CSMD2: variants seen among roughly 807,000 people sequenced by gnomAD.
The protein encoded by CSMD2 is CUB and sushi domain-containing protein 2.
CSMD2 carries 130 observed loss-of-function variants against 398.5 expected under a neutral mutation model. That is an observed-to-expected ratio of 0.33 (90% CI 0.28 to 0.38). The LOEUF (loss-of-function observed/expected upper bound fraction) is 0.38, where lower values mean the gene tolerates loss of function less well. Ranked by LOEUF, CSMD2 falls within the 10% of genes least tolerant of loss-of-function variation. CSMD2 has a pLI of 1.00. For synonymous variants in CSMD2, 1,828 were observed against 1,908.5 expected (o/e 0.96, Z 1.10); for missense variants, 3,829 against 4,764.9 (o/e 0.80, Z 5.78).
At position 33,602,275 on chromosome 1, in the gene CSMD2, T is replaced by C. The variant is rs189882225; in HGVS notation, c.6710+94A>G. Reference sequence around the variant, plus strand: ...CCTTTAAAAACCATTCACCTCTTGGTTTTTCTAAACCAATAGGTAACTGAC... The same window carrying C: ...CCTTTAAAAACCATTCACCTCTTGGCTTTTCTAAACCAATAGGTAACTGAC... On this transcript the variant is annotated intron_variant, in intron 43 of 70. Coordinates refer to ENST00000373381, the MANE Select transcript of CSMD2 (RefSeq NM_001281956.2). The C allele has an allele frequency of 1.1e-4, 162 of 1,409,964 alleles. No individual in the cohort carries two copies. In the Middle Eastern group the frequency reaches 2.8e-3, roughly 25 times the overall value. The allele number at this position is 1,409,964 out of a possible 1,614,324, so 87.3% of individuals were successfully genotyped here.
chr1:33,814,742 G>A (rs12047779), intron 9 of CSMD2, among the ~76,000 whole-genome samples: 16,300 of 152,166 alleles, frequency 0.11, 1,161 homozygotes, highest in East Asian at 0.27. Flanking sequence ...TATCCTGGGA[G>A]CCAGGAAAGT....
intron 13 of CSMD2, among the ~76,000 whole-genome samples, chr1:33,768,188 T>C (rs1650769951): frequency 1.3e-5 from 2 of 152,204 alleles, no homozygotes; most frequent in African/African-American, 4.8e-5. Flanking sequence ...ATAGCCTCAC[T>C]TAAAACACAA....
chr1:33,888,473 T>C (rs1641747806), intron 5 of CSMD2, among the ~76,000 whole-genome samples: 1 of 152,184 alleles, frequency 6.6e-6, no homozygotes, highest in South Asian at 2.1e-4. Context: ...TGAATAGAGC[T>C]GAACTCAGTT....
chr1:34,019,553 G>A (rs1414317538), intron 3 of CSMD2, among the ~76,000 whole-genome samples: 1 of 152,162 alleles, frequency 6.6e-6, no homozygotes, highest in Non-Finnish European at 1.5e-5. Flanking sequence ...GTCTCCCCTT[G>A]TCCTGGCACC....
At chr1:33,973,108 C>A (rs501094) in intron 3 of CSMD2, among the ~76,000 whole-genome samples, 6,063 of 152,258 alleles carry the variant, frequency 0.04, 318 homozygotes, top group African/African-American at 0.12. Context: ...TTTCTTTAAC[C>A]CTCTCCTCAA....
At chr1:33,954,690 G>C (rs1645110230) in intron 3 of CSMD2, among the ~76,000 whole-genome samples, 1 of 152,198 alleles carries the variant, frequency 6.6e-6, no homozygotes, top group Non-Finnish European at 1.5e-5. Flanking sequence ...ATCATGGTAA[G>C]TGAAATGAGC....
chr1:33,716,690 T>G (rs1393671167), intron 19 of CSMD2, among the ~76,000 whole-genome samples, 189 bp from the exon 20 acceptor site: 1 of 152,218 alleles, frequency 6.6e-6, no homozygotes, highest in African/African-American at 2.4e-5. Context: ...GCCCAGAGAT[T>G]CAGTCAGGGA....
intron 12 of CSMD2, among the ~76,000 whole-genome samples, chr1:33,778,108 A>T (rs1399556028): frequency 6.6e-6 from 1 of 152,186 alleles, no homozygotes; most frequent in Non-Finnish European, 1.5e-5. Context: ...TTTGGTTTAC[A>T]ATGTTACCTC....
chr1:33,753,923 T>A (rs1220364027), intron 13 of CSMD2, among the ~76,000 whole-genome samples: 2 of 152,246 alleles, frequency 1.3e-5, no homozygotes, highest in African/African-American at 4.8e-5. Context: ...TTGCCAAATG[T>A]CTGCACACCA....
chr1:34,089,152 C>T lies in CSMD2; in HGVS notation c.229G>A (p.Val77Ile), dbSNP rs371136084. 1.7e-5 allele frequency: 28 copies of T among 1,614,086 alleles called. No homozygotes were observed. The highest frequency in any genetic ancestry group is 2.4e-5 in the Non-Finnish European group (28 of 1,180,046). ...TFQLHGPNGT[V>I]ESPGFPYGYP... ...CCATATGGGAACCCTGGGCTCTCAA[C>T]TGTCCCATTGGGACCGTGCAGTTGG... Residue 77 changes from valine (V) to isoleucine (I), a missense_variant, in exon 2 of 71, where the codon GTT (valine) becomes ATT (isoleucine). Transcript: ENST00000373381.
intron 41 of CSMD2, among the ~76,000 whole-genome samples, chr1:33,608,024 A>G (rs979103656): frequency 6.6e-6 from 1 of 152,196 alleles, no homozygotes; most frequent in African/African-American, 2.4e-5. Context: ...GGCCCATCCC[A>G]GGGAGGGACA....
rs575976489 is a variant in CSMD2 at position 33,846,908 on chromosome 1, G to A, written c.1009C>T (p.Arg337Cys). 9.3e-6 allele frequency: 15 copies of A among 1,608,304 alleles called. No homozygotes were observed. The highest frequency in any genetic ancestry group is 6.8e-5 in the East Asian group (3 of 44,330). ...HFTSDGNHRQ[R>C]GFSAQYQVKK... Reference sequence around the variant, plus strand: ...CCTTGGTATTGGGCACTGAATCCGCGCTGCCGGTGGTTGCCATCCGATGTG... The same window carrying A: ...CCTTGGTATTGGGCACTGAATCCGCACTGCCGGTGGTTGCCATCCGATGTG... The change falls in exon 6 of 71, where the codon CGC (arginine) becomes TGC (cysteine). Residue 337 changes from arginine to cysteine, a missense_variant. By Grantham distance (180) the Arg-to-Cys change is radical (BLOSUM62 -3). Coordinates refer to ENST00000373381, the MANE Select transcript of CSMD2 (RefSeq NM_001281956.2).
intron 2 of CSMD2, among the ~76,000 whole-genome samples, chr1:34,041,238 C>T (rs1363072097): frequency 6.6e-6 from 1 of 152,122 alleles, no homozygotes; most frequent in East Asian, 1.9e-4. Context: ...TGAACTCCCC[C>T]ACCAGAATTT....
At chr1:34,032,855 T>A (rs1185985718) in intron 2 of CSMD2, 149 bp from the exon 3 acceptor site, 2 of 600,052 alleles carry the variant, frequency 3.3e-6, no homozygotes, top group Non-Finnish European at 5.7e-6. Context: ...GCAGAGGTGA[T>A]GAAAACCAGC....
At chr1:33,879,795 G>A (rs746602976) in intron 5 of CSMD2, among the ~76,000 whole-genome samples, 2 of 152,118 alleles carry the variant, frequency 1.3e-5, no homozygotes, top group Admixed American at 6.5e-5. Context: ...CTTCTTGTCC[G>A]TGTAAAGGGT....
intron 53 of CSMD2, among the ~76,000 whole-genome samples, chr1:33,562,244 C>T (rs1658634469): frequency 6.6e-6 from 1 of 152,190 alleles, no homozygotes; most frequent in Admixed American, 6.5e-5. Context: ...CTGCTTCCCA[C>T]ATATTCCCAA....
chr1:33,637,915 T>A (rs1642899718), intron 29 of CSMD2, among the ~76,000 whole-genome samples: 1 of 152,162 alleles, frequency 6.6e-6, no homozygotes, highest in Non-Finnish European at 1.5e-5. Flanking sequence ...CCTTGTCACC[T>A]GGGTACCTTT....
intron 11 of CSMD2, among the ~76,000 whole-genome samples, chr1:33,789,799 A>G (rs1032495892): frequency 1.3e-5 from 2 of 152,096 alleles, no homozygotes; most frequent in Admixed American, 1.3e-4. Context: ...CTGAGTAAGG[A>G]TTGTGGCCAG....
At chr1:33,718,203 C>T (rs1553182863) in intron 19 of CSMD2, among the ~76,000 whole-genome samples, 1 of 152,142 alleles carries the variant, frequency 6.6e-6, no homozygotes, top group Non-Finnish European at 1.5e-5. Flanking sequence ...CAGGGTGCGG[C>T]CTCTCAGGCT....
Sources: allele counts gnomAD v4.1 joint callset (sites outside exome capture counted in the v4.1 genomes callset), GRCh38; gene constraint gnomAD v4.1.1; transcripts MANE v1.5; gene names NCBI Gene and HGNC (gene_info 2026-07-23, HGNC 2026-07-21).